PIK3R4: variants seen among roughly 807,000 people sequenced by gnomAD.
The protein encoded by PIK3R4 is phosphoinositide-3-kinase regulatory subunit 4.
A neutral mutation model predicts 136.5 loss-of-function variants in PIK3R4; 46 were observed. The ratio of observed to expected loss-of-function variants is 0.34; its 90% CI spans 0.27 to 0.43. PIK3R4 has a LOEUF of 0.43. PIK3R4 is among the 20% of genes least tolerant of loss of function. PIK3R4 has a pLI of 1.00. For missense variants in PIK3R4, 1,331 were observed against 1,649.5 expected (o/e 0.81, Z 3.35); for synonymous variants, 557 against 566.7 (o/e 0.98, Z 0.24).
At chr3:130,705,501 T>C in intron 12 of PIK3R4, 60 bp downstream of exon 12, 1 of 1,092,960 alleles carries the variant, frequency 9.1e-7, no homozygotes, top group South Asian at 1.3e-5. Flanking sequence ...ATTTCCTCTA[T>C]TAGATTCTAG....
intron 7 of PIK3R4, among the ~76,000 whole-genome samples, chr3:130,721,197 C>T (rs2107614623): frequency 6.6e-6 from 1 of 152,010 alleles, no homozygotes; most frequent in South Asian, 2.1e-4. Flanking sequence ...ATTAGCCGGG[C>T]ATGGTAGCGG....
chr3:130,727,060 G>T (rs567645566), intron 6 of PIK3R4, among the ~76,000 whole-genome samples: 1 of 152,130 alleles, frequency 6.6e-6, no homozygotes, highest in South Asian at 2.1e-4. Context: ...CCGGGAATTT[G>T]AAAGTTTTTC....
At chr3:130,681,133 C>G in intron 17 of PIK3R4, 68 bp from the exon 18 acceptor site, 3 of 914,898 alleles carry the variant, frequency 3.3e-6, no homozygotes, top group Non-Finnish European at 5.5e-6. Context: ...AGTGCTATTT[C>G]TAGAGGCAAG....
intron 6 of PIK3R4, among the ~76,000 whole-genome samples, chr3:130,727,439 G>A (rs2066739004): frequency 6.6e-6 from 1 of 152,086 alleles, no homozygotes; most frequent in Admixed American, 6.5e-5. Context: ...TAGCCAGGAT[G>A]GTCTCGATCT....
intron 14 of PIK3R4, among the ~76,000 whole-genome samples, chr3:130,687,443 A>G (rs571931395): frequency 6.6e-6 from 1 of 152,172 alleles, no homozygotes; most frequent in South Asian, 2.1e-4. Context: ...CTTTATAATT[A>G]CTCAATATTT....
Position 130,744,524 on chromosome 3 carries a change from CTT to C in PIK3R4, c.693_694del (p.Gly233ArgfsTer17). 2 of 1,614,082 alleles carry C rather than the reference CTT, an allele frequency of 1.2e-6. No homozygotes were observed. The highest frequency in any genetic ancestry group is 1.7e-6 in the Non-Finnish European group (2 of 1,179,972). Reference sequence around the variant, plus strand: ...GTCCATTGCTCTCTTCAACTCTCCTCTTGTTCTCTGATTGCTATTTAAGTCTA... The same window carrying C: ...GTCCATTGCTCTCTTCAACTCTCCTCGTTCTCTGATTGCTATTTAAGTCTA... On this transcript the variant is annotated frameshift_variant, in exon 2 of 20. Transcript: ENST00000356763. LOFTEE classifies it high-confidence loss of function.
In PIK3R4 at chr3:130,744,685, G is replaced by T; in HGVS notation, c.534C>A (p.Asp178Glu). 1 of 1,614,222 alleles carries T rather than the reference G, an allele frequency of 6.2e-7. No homozygotes were observed. Among genetic ancestry groups the T allele is most frequent in the Non-Finnish European group, 8.5e-7 (1 of 1,180,022 alleles). ...ASFKPTYLPEDNPADFNYFFD... is the reference protein window; with the variant it reads ...ASFKPTYLPEENPADFNYFFD... ...AGAAATAATTGAAATCTGCCGGGTT[G>T]TCTTCTGGAAGATAAGTGGGCTTAA... is the stretch of plus-strand genomic sequence containing the variant. The change falls in exon 2 of 20, where the codon GAC becomes GAA. Residue 178 changes from aspartate to glutamate, a missense_variant. Transcript: ENST00000356763.
At position 130,746,717 on chromosome 3, in the gene PIK3R4, G is replaced by A. The variant is rs921922286; in HGVS notation, c.-446C>T. On this transcript the variant is annotated 5_prime_UTR_variant, in exon 1 of 20. Transcript: ENST00000356763. ...CGAGGGCCTCACCACCGGGCGGGGG[G>A]AGATGGAACCCGGGAGAGAAGTGCA... is the stretch of plus-strand genomic sequence containing the variant. 6.6e-6 allele frequency: 1 copy of A among 152,356 alleles called. No individual in the cohort carries two copies. Among genetic ancestry groups the A allele is most frequent in the Non-Finnish European group, 1.5e-5 (1 of 68,172 alleles). 9.4% of individuals were successfully genotyped at this position (152,356 alleles called of 1,614,324 possible). A position where few individuals can be genotyped will look rare whatever the true frequency, so the allele number is the denominator to read the frequency against.
chr3:130,709,493 T>C (rs1322239618), intron 9 of PIK3R4, among the ~76,000 whole-genome samples: 1 of 152,078 alleles, frequency 6.6e-6, no homozygotes, highest in Non-Finnish European at 1.5e-5. Flanking sequence ...AAACATGAAA[T>C]AAAATTGCAT....
chr3:130,691,828 T>C (rs1200765479), intron 13 of PIK3R4, among the ~76,000 whole-genome samples: 2 of 151,672 alleles, frequency 1.3e-5, no homozygotes, highest in Non-Finnish European at 2.9e-5. Context: ...TTTAAAAAAA[T>C]CTGTAATATT....
At chr3:130,730,173 C>G (rs2066754040) in intron 5 of PIK3R4, 135 bp downstream of exon 5, 1 of 644,886 alleles carries the variant, frequency 1.6e-6, no homozygotes, top group African/African-American at 1.9e-5. Context: ...AATTAGACAC[C>G]AGGGACTCTT....
At chr3:130,690,391 G>A (rs1029699125) in intron 14 of PIK3R4, 99 bp downstream of exon 14, 11 of 537,790 alleles carry the variant, frequency 2.0e-5, no homozygotes, top group South Asian at 1.1e-4. Flanking sequence ...AATGTAAGAG[G>A]CCCTTAGTTG....
intron 13 of PIK3R4, among the ~76,000 whole-genome samples, chr3:130,699,080 G>T (rs1576453565): frequency 6.6e-6 from 1 of 152,074 alleles, no homozygotes; most frequent in East Asian, 1.9e-4. Context: ...TTCTTCCTGG[G>T]TATGTGCACA....
At position 130,704,002 on chromosome 3, in the gene PIK3R4, T is replaced by C. The variant is rs1012824333; in HGVS notation, c.2933-114A>G. The C allele has an allele frequency of 4.4e-6, 3 of 677,966 alleles. No homozygotes were observed. The South Asian group carries it at 6.0e-5, about 14-fold the overall frequency. 42.0% of individuals were successfully genotyped at this position (677,966 alleles called of 1,614,324 possible). A position where few individuals can be genotyped will look rare whatever the true frequency, so the allele number is the denominator to read the frequency against. ...TTGAAAACAATCATAAGAACTAAAA[T>C]ATTTGAAAGTACCAATAGTTGCCAA... On this transcript the variant is annotated intron_variant, in intron 12 of 19. Transcript: ENST00000356763.
intron 15 of PIK3R4, among the ~76,000 whole-genome samples, chr3:130,684,912 A>C (rs2066480977): frequency 6.6e-6 from 1 of 152,330 alleles, no homozygotes; most frequent in Non-Finnish European, 1.5e-5. Flanking sequence ...TATTCACACA[A>C]AAGGCAAAAA....
intron 13 of PIK3R4, among the ~76,000 whole-genome samples, chr3:130,693,174 G>A (rs1046111532): frequency 6.6e-5 from 10 of 152,052 alleles, no homozygotes; most frequent in South Asian, 2.1e-4. Context: ...ACTTCATTCC[G>A]TTTTATGGCT....
intron 13 of PIK3R4, among the ~76,000 whole-genome samples, chr3:130,695,651 TAGAG>T (rs754620488): frequency 6.6e-5 from 10 of 152,284 alleles, no homozygotes; most frequent in East Asian, 3.9e-4. Context: ...TTTTGAGAGA[TAGAG>T]ACTCTATTCA....
At chr3:130,681,414 A>G in intron 17 of PIK3R4, 77 bp downstream of exon 17, 1 of 950,460 alleles carries the variant, frequency 1.1e-6, no homozygotes, top group Non-Finnish European at 1.7e-6. Context: ...AACAGATACT[A>G]GGTTTGATTA....
intron 16 of PIK3R4, among the ~76,000 whole-genome samples, chr3:130,682,194 T>A (rs2066463614): frequency 6.6e-6 from 1 of 152,162 alleles, no homozygotes. Context: ...TGAGACAGAT[T>A]ATTCTGGATT....
Sources: gnomAD v4.1 joint callset for allele counts (sites outside exome capture counted in the v4.1 genomes callset) on GRCh38, gnomAD v4.1.1 for gene constraint, MANE v1.5 for transcripts, NCBI Gene and HGNC (gene_info 2026-07-23, HGNC 2026-07-21) for gene names.